NRG3: variants seen among roughly 807,000 people sequenced by gnomAD.
NRG3 encodes neuregulin 3, also known as pro-neuregulin-3, membrane-bound isoform.
A neutral mutation model predicts 66.9 loss-of-function variants in NRG3; 31 were observed. The observed-to-expected ratio is 0.46, with a 90% CI of 0.35 to 0.63. The LOEUF is 0.63. NRG3 is among the 20% of genes least tolerant of loss of function. NRG3 has a pLI of 0.00. For synonymous variants in NRG3, 393 were observed against 359.4 expected (o/e 1.09, Z -1.06); for missense variants, 910 against 878.9 (o/e 1.04, Z -0.45).
intron 1 of NRG3, among the ~76,000 whole-genome samples, chr10:82,187,492 C>G (rs2073875130): frequency 6.6e-6 from 1 of 152,088 alleles, no homozygotes; most frequent in Non-Finnish European, 1.5e-5. Flanking sequence ...GAAACTATTG[C>G]TAAGCAAAAG....
chr10:82,700,689 G>T (rs1565216608), intron 2 of NRG3, among the ~76,000 whole-genome samples: 1 of 152,134 alleles, frequency 6.6e-6, no homozygotes, highest in Non-Finnish European at 1.5e-5. Context: ...GAAGCCATAT[G>T]CAGGCAGAGC....
In NRG3 at chr10:81,907,774, T is replaced by C. The variant is rs187923807; in HGVS notation, c.823+31611T>C. Reference sequence around the variant, plus strand: ...CTTAACAGTGCATGTTTTAAAATAGTAAGGCTTCTCAGTTTGTACACCAAA... The same window carrying C: ...CTTAACAGTGCATGTTTTAAAATAGCAAGGCTTCTCAGTTTGTACACCAAA... On this transcript the variant is annotated intron_variant, in intron 1 of 8. Coordinates refer to ENST00000372141, the MANE Select transcript of NRG3 (RefSeq NM_001010848.4). 6.7e-3 allele frequency among the ~76,000 whole-genome samples: 1,017 copies of C among 152,296 alleles called. 7 individuals carry two copies. Among genetic ancestry groups the C allele is most frequent in the Non-Finnish European group, 0.011 (774 of 68,028 alleles).
At chr10:82,811,252 A>G (rs1294165885) in intron 3 of NRG3, among the ~76,000 whole-genome samples, 1 of 152,246 alleles carries the variant, frequency 6.6e-6, no homozygotes. Context: ...TCACTAGATA[A>G]CAAACTCTAT....
chr10:82,602,877 A>G (rs990310620), intron 2 of NRG3, among the ~76,000 whole-genome samples: 2 of 152,216 alleles, frequency 1.3e-5, no homozygotes, highest in Non-Finnish European at 2.9e-5. Flanking sequence ...ACAGGAGGGC[A>G]TAAGAGTTTG....
chr10:82,066,597 G>A (rs2064483223), intron 1 of NRG3, among the ~76,000 whole-genome samples: 1 of 152,178 alleles, frequency 6.6e-6, no homozygotes, highest in African/African-American at 2.4e-5. Context: ...ACTATCAGAG[G>A]TCCTACAAGC....
At chr10:82,628,528 C>A (rs1193483370) in intron 2 of NRG3, among the ~76,000 whole-genome samples, 6 of 151,930 alleles carry the variant, frequency 3.9e-5, no homozygotes, top group Non-Finnish European at 7.4e-5. Flanking sequence ...CCTGCCAAAC[C>A]AAGATAGGGA....
rs188750696 is a variant in NRG3 at position 82,161,887 on chromosome 10, A to G, written c.824-196852A>G. Among the ~76,000 whole-genome samples, 119 of 152,260 alleles carry G rather than the reference A, an allele frequency of 7.8e-4. No homozygotes were observed. In the Middle Eastern group the frequency reaches 0.014, roughly 17 times the overall value. On this transcript the variant is annotated intron_variant, in intron 1 of 8. Coordinates refer to ENST00000372141, the MANE Select transcript of NRG3 (RefSeq NM_001010848.4). The stretch of plus-strand genomic sequence containing the variant: ...TGCCATGGGAAAGCAGATTCACTCC[A>G]TTGCTTCTTAGATTCAAATACTGCA...
At chr10:82,489,225 A>G (rs1266193617) in intron 2 of NRG3, among the ~76,000 whole-genome samples, 1 of 152,188 alleles carries the variant, frequency 6.6e-6, no homozygotes, top group Admixed American at 6.5e-5. Flanking sequence ...TAATAATACT[A>G]TTCAGTTCCT....
intron 2 of NRG3, among the ~76,000 whole-genome samples, chr10:82,616,128 TA>T (rs1473306802): frequency 6.6e-6 from 1 of 152,168 alleles, no homozygotes; most frequent in African/African-American, 2.4e-5. Context: ...CAACATCTTT[TA>T]AAAATGCATT....
chr10:82,216,903 A>T (rs2075718279), intron 1 of NRG3, among the ~76,000 whole-genome samples: 1 of 152,164 alleles, frequency 6.6e-6, no homozygotes, highest in African/African-American at 2.4e-5. Context: ...GATCTCAAAT[A>T]TCAGGTTGTC....
intron 5 of NRG3, among the ~76,000 whole-genome samples, chr10:82,957,913 TG>T (rs1850231811): frequency 1.3e-5 from 2 of 151,936 alleles, no homozygotes; most frequent in African/African-American, 4.8e-5. Context: ...TGTGTGTGTG[TG>T]TGTGTGTGAG....
At chr10:82,009,524 T>A (rs1414820754) in intron 1 of NRG3, among the ~76,000 whole-genome samples, 1 of 152,160 alleles carries the variant, frequency 6.6e-6, no homozygotes, top group Non-Finnish European at 1.5e-5. Context: ...TTACACGACT[T>A]CCCCTGCCAA....
At chr10:81,933,401 A>C (rs1046868242) in intron 1 of NRG3, among the ~76,000 whole-genome samples, 5 of 152,176 alleles carry the variant, frequency 3.3e-5, no homozygotes, top group African/African-American at 1.2e-4. Context: ...ATAAGATGGT[A>C]AGTAGTAGAC....
chr10:82,093,162 G>T (rs1179423860), intron 1 of NRG3, among the ~76,000 whole-genome samples: 2 of 152,118 alleles, frequency 1.3e-5, no homozygotes, highest in Admixed American at 6.6e-5. Context: ...GATATTTACT[G>T]TTATCATCCT....
chr10:82,591,406 A>G (rs1279603733), intron 2 of NRG3, among the ~76,000 whole-genome samples: 1 of 152,232 alleles, frequency 6.6e-6, no homozygotes, highest in Non-Finnish European at 1.5e-5. Context: ...CATGATAAAC[A>G]TTCATAGTTT....
At chr10:82,485,205 C>T (rs1842588857) in intron 2 of NRG3, among the ~76,000 whole-genome samples, 1 of 151,942 alleles carries the variant, frequency 6.6e-6, no homozygotes, top group Non-Finnish European at 1.5e-5. Context: ...CCACTATAAC[C>T]CTGCTCTAAC....
intron 1 of NRG3, among the ~76,000 whole-genome samples, chr10:82,236,512 G>A (rs1293343952): frequency 6.6e-6 from 1 of 152,120 alleles, no homozygotes; most frequent in East Asian, 1.9e-4. Flanking sequence ...CTGCCACAGT[G>A]TGGAAGCCAG....
At chr10:82,038,285 T>C (rs2062881129) in intron 1 of NRG3, among the ~76,000 whole-genome samples, 1 of 152,126 alleles carries the variant, frequency 6.6e-6, no homozygotes, top group Non-Finnish European at 1.5e-5. Context: ...GTAGTGTCCT[T>C]TACTGTCTAT....
intron 3 of NRG3, among the ~76,000 whole-genome samples, chr10:82,824,587 A>G (rs778421117): frequency 6.6e-6 from 1 of 151,954 alleles, no homozygotes; most frequent in Non-Finnish European, 1.5e-5. Flanking sequence ...GTGGTATTCC[A>G]TTGTGATTTT....
Sources: allele counts gnomAD v4.1 joint callset (sites outside exome capture counted in the v4.1 genomes callset), GRCh38; gene constraint gnomAD v4.1.1; transcripts MANE v1.5; gene names NCBI Gene and HGNC (gene_info 2026-07-23, HGNC 2026-07-21).